Variants in SLC29A3 observed in about 807,000 individuals in gnomAD.
SLC29A3 encodes the protein solute carrier family 29 member 3, also known as equilibrative nucleoside transporter 3.
In SLC29A3, 18 loss-of-function variants were observed where a neutral mutation model predicts 25.4. The ratio of observed to expected loss-of-function variants is 0.71; its 90% CI spans 0.49 to 1.05. The LOEUF (loss-of-function observed/expected upper bound fraction) is 1.05. SLC29A3 is among the 50% of genes least tolerant of loss of function. The pLI, the probability that SLC29A3 is intolerant of heterozygous loss-of-function variation, is 0.00. For synonymous variants in SLC29A3, 258 were observed against 267.1 expected, an observed-to-expected ratio of 0.97 and a Z score of 0.33; for missense variants, 586 against 609.0, an observed-to-expected ratio of 0.96 and a Z score of 0.40.
intron 2 of SLC29A3, among the ~76,000 whole-genome samples, chr10:71,343,552 G>C (rs748900765): frequency 6.6e-6 from 1 of 152,218 alleles, no homozygotes; most frequent in Non-Finnish European, 1.5e-5. Context: ...GCTCTATCAA[G>C]AGAGAAAATC....
chr10:71,360,015 T>G (rs1158455310), intron 5 of SLC29A3, among the ~76,000 whole-genome samples: 1 of 152,130 alleles, frequency 6.6e-6, no homozygotes, highest in Non-Finnish European at 1.5e-5. Flanking sequence ...AGGAAGACAC[T>G]TCTATAGGCT....
intron 1 of SLC29A3, among the ~76,000 whole-genome samples, chr10:71,320,763 C>T (rs914579891): frequency 1.2e-4 from 18 of 152,296 alleles, no homozygotes; most frequent in Non-Finnish European, 2.1e-4. Flanking sequence ...ATGTCCTGGT[C>T]GTGCAGAGTC....
chr10:71,353,931 A>C (rs1846828675), intron 4 of SLC29A3, among the ~76,000 whole-genome samples: 1 of 152,174 alleles, frequency 6.6e-6, no homozygotes, highest in Non-Finnish European at 1.5e-5. Flanking sequence ...AGTTGGAAAG[A>C]GAGAGAGGAA....
At chr10:71,379,315 C>T (rs1847284930) in intron 4 of SLC29A3, among the ~76,000 whole-genome samples, 1 of 152,226 alleles carries the variant, frequency 6.6e-6, no homozygotes, top group Non-Finnish European at 1.5e-5. Context: ...CCCAGCAGAC[C>T]AGGCTAAAAA....
Position 71,344,230 on chromosome 10 carries a change from G to A in SLC29A3, c.322G>A (p.Ala108Thr). ...DILNYFESYL[A>T]VASTVPSMLC... Reference sequence around the variant, plus strand: ...GCAGAACTACTTTGAGAGCTACCTTGCCGTTGCCTCCACCGTGCCCTCCAT... The same window carrying A: ...GCAGAACTACTTTGAGAGCTACCTTACCGTTGCCTCCACCGTGCCCTCCAT... Residue 108 changes from alanine (A) to threonine (T), a missense_variant, in exon 3 of 6, where the codon GCC (alanine) becomes ACC (threonine). Transcript: ENST00000373189. 3 of 1,614,138 alleles carry A rather than the reference G, an allele frequency of 1.9e-6. No individual in the cohort carries two copies. The highest frequency in any genetic ancestry group is 2.5e-6 in the Non-Finnish European group (3 of 1,180,000).
chr10:71,336,241 C>T (rs1846250697), intron 2 of SLC29A3, among the ~76,000 whole-genome samples: 1 of 152,162 alleles, frequency 6.6e-6, no homozygotes, highest in Non-Finnish European at 1.5e-5. Flanking sequence ...ATTCCTCCTC[C>T]AGTAGGATCT....
At chr10:71,361,819 G>T (rs1193061034) in intron 5 of SLC29A3, 135 bp from the exon 6 acceptor site, 5 of 1,010,352 alleles carry the variant, frequency 4.9e-6, no homozygotes, top group Non-Finnish European at 7.4e-6. Flanking sequence ...CTCAGGGAAC[G>T]CTGGAGCTGT....
chr10:71,329,242 C>G (rs1226552072), intron 2 of SLC29A3, among the ~76,000 whole-genome samples: 2 of 152,156 alleles, frequency 1.3e-5, no homozygotes, highest in East Asian at 3.8e-4. Context: ...AGCGTGTTCT[C>G]CAAGCTATCT....
At chr10:71,358,758 G>GT (rs1846980042) in intron 5 of SLC29A3, among the ~76,000 whole-genome samples, 1 of 152,216 alleles carries the variant, frequency 6.6e-6, no homozygotes, top group Non-Finnish European at 1.5e-5. Context: ...ACAAGGGACT[G>GT]TAAGTATTAA....
rs193084037 is a variant in SLC29A3, at chr10:71,361,838, G to A, written c.774-116G>A. The A allele has an allele frequency of 3.2e-5, 40 of 1,247,034 alleles. No individual in the cohort carries two copies. In the African/African-American group the frequency reaches 3.4e-4, roughly 11 times the overall value. 77.2% of individuals were successfully genotyped at this position (1,247,034 alleles called of 1,614,324 possible). A position where few individuals can be genotyped will look rare whatever the true frequency, so the allele number is the denominator to read the frequency against. On this transcript the variant is annotated intron_variant, in intron 5 of 5. Coordinates refer to ENST00000373189, the MANE Select transcript of SLC29A3 (RefSeq NM_018344.6). ...GGGAACGCTGGAGCTGTGGGCATACGGGGCTTGGGCTCTCCATGCTGGGCT... is the reference window on the plus strand; with the variant it reads ...GGGAACGCTGGAGCTGTGGGCATACAGGGCTTGGGCTCTCCATGCTGGGCT...
chr10:71,344,504 C>T (rs1361224500), intron 3 of SLC29A3, among the ~76,000 whole-genome samples: 1 of 152,252 alleles, frequency 6.6e-6, no homozygotes, highest in East Asian at 1.9e-4. Flanking sequence ...CAGCCACATA[C>T]TGTGACATCG....
intron 5 of SLC29A3, among the ~76,000 whole-genome samples, chr10:71,356,919 A>T (rs1225825687): frequency 6.6e-6 from 1 of 152,202 alleles, no homozygotes; most frequent in African/African-American, 2.4e-5. Context: ...CCATGCACAG[A>T]TTAGAAAACC....
At chr10:71,319,536 T>G in intron 1 of SLC29A3, 1 of 412,420 alleles carries the variant, frequency 2.4e-6, no homozygotes. Context: ...TCCTCTCCCC[T>G]CCTCCTCCCT....
chr10:71,346,923 C>G (rs1846601766), intron 3 of SLC29A3, among the ~76,000 whole-genome samples: 1 of 152,180 alleles, frequency 6.6e-6, no homozygotes, highest in Admixed American at 6.5e-5. Flanking sequence ...TGTGGGCCCC[C>G]AGGCCAGCTA....
chr10:71,325,915 CTTTTT>C (rs5786034), intron 2 of SLC29A3, among the ~76,000 whole-genome samples: 2 of 122,646 alleles, frequency 1.6e-5, no homozygotes, highest in Non-Finnish European at 3.3e-5. Context: ...TATATTAGTA[CTTTTT>C]TTTTTTTTTT....
intron 2 of SLC29A3, among the ~76,000 whole-genome samples, chr10:71,330,385 T>G (rs752603315): frequency 1.3e-5 from 2 of 152,222 alleles, no homozygotes; most frequent in Non-Finnish European, 2.9e-5. Flanking sequence ...CTCTCTGTGC[T>G]GTGTCAGGGA....
intron 4 of SLC29A3, among the ~76,000 whole-genome samples, chr10:71,353,078 A>G (rs768532077): frequency 3.9e-5 from 6 of 152,194 alleles, no homozygotes; most frequent in Non-Finnish European, 5.9e-5. Context: ...AGCCAGTGCC[A>G]GACATCACTG....
chr10:71,324,573 T>G (rs1458835635), intron 2 of SLC29A3, among the ~76,000 whole-genome samples: 1 of 152,222 alleles, frequency 6.6e-6, no homozygotes, highest in Non-Finnish European at 1.5e-5. Context: ...GGGTTTGAAT[T>G]GCAGGGGTTC....
chr10:71,336,980 G>A (rs546931924), intron 2 of SLC29A3, among the ~76,000 whole-genome samples: 53 of 152,270 alleles, frequency 3.5e-4, no homozygotes, highest in South Asian at 2.1e-4. Flanking sequence ...GGTCAGATGG[G>A]GACCCTCTTC....
Sources: allele counts gnomAD v4.1 joint callset (sites outside exome capture counted in the v4.1 genomes callset), GRCh38; gene constraint gnomAD v4.1.1; transcripts MANE v1.5; gene names NCBI Gene and HGNC (gene_info 2026-07-23, HGNC 2026-07-21).